ERCC1: variants seen among roughly 807,000 people sequenced by gnomAD.
The protein encoded by ERCC1 is ERCC excision repair 1, endonuclease non-catalytic subunit, also known as DNA excision repair protein ERCC-1.
In ERCC1, 36 loss-of-function variants were observed where a neutral mutation model predicts 37.6. The observed-to-expected ratio is 0.96, with a 90% CI of 0.73 to 1.26. The LOEUF is 1.26. ERCC1 is among the 50% of genes most tolerant of loss of function. The pLI is 0.00. For missense variants in ERCC1, 349 were observed against 376.5 expected (o/e 0.93, Z 0.60); for synonymous variants, 156 against 162.1 (o/e 0.96, Z 0.28).
At chr19:45,444,397 G>C (rs1384149848) in intron 1 of ERCC1, among the ~76,000 whole-genome samples, 1 of 151,252 alleles carries the variant, frequency 6.6e-6, no homozygotes, top group Non-Finnish European at 1.5e-5. Context: ...CCCCCCCGCG[G>C]TGGCCCAGAG....
intron 1 of ERCC1, among the ~76,000 whole-genome samples, chr19:45,447,675 C>T (rs1966990889): frequency 6.6e-6 from 1 of 152,098 alleles, no homozygotes; most frequent in African/African-American, 2.4e-5. Context: ...CACGCCTCCA[C>T]ACTCAGGATC....
At chr19:45,411,934 G>C (rs1232660628) in intron 9 of ERCC1, among the ~76,000 whole-genome samples, 2 of 151,776 alleles carry the variant, frequency 1.3e-5, no homozygotes, top group Admixed American at 6.6e-5. Flanking sequence ...TCGGCTCACT[G>C]CAAGCTCTGC....
intron 1 of ERCC1, chr19:45,429,105 A>C (rs565821848): frequency 6.6e-6 from 1 of 152,364 alleles, no homozygotes; most frequent in Admixed American, 6.5e-5. Flanking sequence ...ACAGCAAAGG[A>C]AAGATCTGCA....
upstream of ERCC1, among the ~76,000 whole-genome samples, chr19:45,428,083 C>CTTTTTTTTTTT (rs5828235): frequency 5.4e-3 from 630 of 115,936 alleles, 47 homozygotes; most frequent in African/African-American, 0.022. Flanking sequence ...TTCTTTCTTT[C>CTTTTTTTTTTT]TTTTTTTTTT....
At chr19:45,435,807 G>C (rs11878927) in intron 1 of ERCC1, among the ~76,000 whole-genome samples, 12,014 of 151,982 alleles carry the variant, frequency 0.079, 1,546 homozygotes, top group African/African-American at 0.27. Context: ...GTCACCCAGG[G>C]TGGAGAGCAG....
At position 45,420,932 on chromosome 19, in the gene ERCC1, T is replaced by G. The variant is rs1974379270; in HGVS notation, c.321+246A>C. ...AGCCACCACACCCAGCCTCATTCAG[T>G]ACATTTTGAATAAATTAACAAACCT... is the stretch of plus-strand genomic sequence containing the variant. On this transcript the variant is annotated intron_variant, in intron 3 of 9. Transcript: ENST00000300853. The surrounding 1 kb of genome is among the most constrained non-coding windows in gnomAD (Gnocchi z 4.8). Among the ~76,000 whole-genome samples the G allele has an allele frequency of 6.6e-6, 1 of 152,082 alleles. No individual in the cohort carries two copies.
chr19:45,408,545 G>C lies in ERCC1; in HGVS notation c.*1130C>G. 1.9e-6 allele frequency: 3 copies of C among 1,614,066 alleles called. No homozygotes were observed. The highest frequency in any genetic ancestry group is 2.5e-6 in the Non-Finnish European group (3 of 1,180,018). On this transcript the variant is annotated 3_prime_UTR_variant, in exon 10 of 10. Coordinates refer to ENST00000300853, the MANE Select transcript of ERCC1 (RefSeq NM_001983.4). The stretch of plus-strand genomic sequence containing the variant: ...CCCAGTCACTCAGGAGGCAGTGAAT[G>C]GGCACGGGGCCCTGGAGGTGGACAT...
intron 1 of ERCC1, among the ~76,000 whole-genome samples, chr19:45,432,261 C>T (rs537485849): frequency 8.7e-4 from 132 of 151,092 alleles, no homozygotes; most frequent in African/African-American, 3.1e-3. Context: ...TGAGCCACCA[C>T]GCCTGGCCAA....
rs748511318 is a variant in ERCC1, at chr19:45,423,845, G to T, written c.-72C>A. On this transcript the variant is annotated 5_prime_UTR_variant, in exon 1 of 10. Coordinates refer to ENST00000300853, the MANE Select transcript of ERCC1 (RefSeq NM_001983.4). ...CACCTGCTGGTCTTGGAGCCTCAAG[G>T]GAAAGACTGCAGAGGGATCGAGGCG... is the stretch of plus-strand genomic sequence containing the variant. 208 of 1,138,844 alleles carry T rather than the reference G, an allele frequency of 1.8e-4. 1 individual carries two copies. The Middle Eastern group carries it at 2.3e-3, about 12-fold the overall frequency. 70.5% of individuals were successfully genotyped at this position (1,138,844 alleles called of 1,614,324 possible).
rs759539478 is a variant in ERCC1, at chr19:45,413,732, A to T, written c.788T>A (p.Leu263His). 1 of 1,613,568 alleles carries T rather than the reference A, an allele frequency of 6.2e-7. No individual in the cohort carries two copies. Among genetic ancestry groups the T allele is most frequent in the Non-Finnish European group, 8.5e-7 (1 of 1,180,020 alleles). The change falls in exon 9 of 10, where the codon CTC (leucine) becomes CAC (histidine). Residue 263 changes from leucine to histidine, a missense_variant. Leu to His is a moderately conservative substitution (Grantham distance 99). Transcript: ENST00000300853. ...LLTTFGSLEQ[L>H]IAASREDLAL... ...CAGATCTTCTCTTGATGCGGCGATG[A>T]GCTGTTCCAGAGACTGAAAGGTGAA...
At chr19:45,448,949 T>C (rs78440867) in intron 1 of ERCC1, among the ~76,000 whole-genome samples, 210 of 152,300 alleles carry the variant, frequency 1.4e-3, no homozygotes, top group Non-Finnish European at 2.7e-3. Flanking sequence ...ATATGTAGGA[T>C]GCACATTAAA....
chr19:45,408,407 C>T lies in ERCC1; in HGVS notation c.*1268G>A, dbSNP rs771033441. 6.2e-6 allele frequency: 10 copies of T among 1,613,300 alleles called. No individual in the cohort carries two copies. Among genetic ancestry groups the T allele is most frequent in the Non-Finnish European group, 8.5e-6 (10 of 1,179,740 alleles). On this transcript the variant is annotated 3_prime_UTR_variant, in exon 10 of 10. Transcript: ENST00000300853. ...ACCACAGATCCCTCCTGGCCTGAGG[C>T]CTCGGTTCTGTGCCTTTGGGGGCAA...
At chr19:45,416,593 G>T in intron 6 of ERCC1, 1 of 532,686 alleles carries the variant, frequency 1.9e-6, no homozygotes, top group South Asian at 2.2e-5. Flanking sequence ...AGCCGAGATC[G>T]TGCCACTGCA....
At chr19:45,437,125 C>G (rs1045364281) in intron 1 of ERCC1, among the ~76,000 whole-genome samples, 4 of 151,752 alleles carry the variant, frequency 2.6e-5, no homozygotes, top group South Asian at 2.1e-4. Flanking sequence ...GACACACGCC[C>G]GTAATCCCAG....
At position 45,415,042 on chromosome 19, in the gene ERCC1, G is replaced by A. The variant is rs1973968417; in HGVS notation, c.603-82C>T. On this transcript the variant is annotated intron_variant, in intron 6 of 9. Transcript: ENST00000300853. ...TTCATTATGGTCAGTCATAAGAATT[G>A]CCAATACTAGGCCGGGCGCGGTGGC... 7 of 1,083,734 alleles carry A rather than the reference G, an allele frequency of 6.5e-6. No homozygotes were observed. In the South Asian group the frequency reaches 7.6e-5, roughly 12 times the overall value. 67.1% of individuals were successfully genotyped at this position (1,083,734 alleles called of 1,614,324 possible). A position where few individuals can be genotyped will look rare whatever the true frequency, so the allele number is the denominator to read the frequency against.
rs1345623669 is a variant in ERCC1 at position 45,414,851 on chromosome 19, G to A, written c.702+10C>T. The A allele has an allele frequency of 6.2e-7, 1 of 1,604,832 alleles. No individual in the cohort carries two copies. Among genetic ancestry groups the A allele is most frequent in the Non-Finnish European group, 8.5e-7 (1 of 1,171,788 alleles). On this transcript the variant is annotated intron_variant, in intron 7 of 9. Transcript: ENST00000300853. ...GGCCCAGGCAGGGATGGGAGGTGAG[G>A]TGGCCTCACCCGGGAGACGAAGTCC... is the stretch of plus-strand genomic sequence containing the variant.
At chr19:45,448,765 A>AT (rs1239524850) in intron 1 of ERCC1, among the ~76,000 whole-genome samples, 1 of 152,132 alleles carries the variant, frequency 6.6e-6, no homozygotes, top group Admixed American at 6.6e-5. Context: ...ACAAAAAGCT[A>AT]TTTGGGGGCC....
chr19:45,422,788 G>A (rs1206582599), intron 2 of ERCC1, among the ~76,000 whole-genome samples: 1 of 150,376 alleles, frequency 6.6e-6, no homozygotes. Context: ...AATAAATAGA[G>A]TAGGAAGGTC....
At chr19:45,414,425 C>T (rs1973925536) in intron 7 of ERCC1, 1 of 351,148 alleles carries the variant, frequency 2.8e-6, no homozygotes, top group South Asian at 2.5e-5. Context: ...TGCAGTGAGC[C>T]GAGATCATGT....
Sources: gnomAD v4.1 joint callset for allele counts (sites outside exome capture counted in the v4.1 genomes callset) on GRCh38, gnomAD v4.1.1 for gene constraint, Gnocchi (gnomAD v3.1) non-coding constraint, MANE v1.5 for transcripts, NCBI Gene and HGNC (gene_info 2026-07-23, HGNC 2026-07-21) for gene names.